Variants in MARCHF1 observed in about 807,000 individuals in gnomAD.
MARCHF1 encodes the protein E3 ubiquitin-protein ligase MARCHF1.
In MARCHF1, 40 loss-of-function variants were observed where a neutral mutation model predicts 54.2. That is an observed-to-expected ratio of 0.74 (90% CI 0.57 to 0.96). MARCHF1 has a LOEUF of 0.96. Ranked by LOEUF, MARCHF1 falls within the 40% of genes least tolerant of loss-of-function variation. The pLI, the probability that MARCHF1 is intolerant of heterozygous loss-of-function variation, is 0.00. For missense variants in MARCHF1, 586 were observed against 656.5 expected (o/e 0.89, Z 1.17); for synonymous variants, 236 against 236.3 (o/e 1.00, Z 0.01).
At chr4:163,673,790 A>G (rs1257461576) in intron 5 of MARCHF1, among the ~76,000 whole-genome samples, 1 of 152,216 alleles carries the variant, frequency 6.6e-6, no homozygotes, top group Non-Finnish European at 1.5e-5. Context: ...TGGAGAATAC[A>G]AACAGTATTG....
chr4:164,288,041 T>C (rs74490610), intron 1 of MARCHF1, among the ~76,000 whole-genome samples: 169 of 152,226 alleles, frequency 1.1e-3, no homozygotes, highest in African/African-American at 3.5e-3. Flanking sequence ...TATGAGTATT[T>C]AAAAAGGAAA....
At chr4:164,350,373 G>C (rs1346752407) in intron 1 of MARCHF1, among the ~76,000 whole-genome samples, 1 of 152,062 alleles carries the variant, frequency 6.6e-6, no homozygotes, top group Non-Finnish European at 1.5e-5. Flanking sequence ...GGGAGGATAG[G>C]GAGAGGTTTG....
intron 1 of MARCHF1, among the ~76,000 whole-genome samples, chr4:164,378,609 C>G (rs1731268750): frequency 6.6e-6 from 1 of 152,204 alleles, no homozygotes; most frequent in African/African-American, 2.4e-5. Flanking sequence ...AGCTCAGTCA[C>G]TGGGTGGATT....
intron 1 of MARCHF1, among the ~76,000 whole-genome samples, chr4:164,303,780 C>A (rs1734626360): frequency 6.6e-6 from 1 of 152,046 alleles, no homozygotes; most frequent in Non-Finnish European, 1.5e-5. Flanking sequence ...CGTGCACACA[C>A]AAACACACGT....
intron 1 of MARCHF1, among the ~76,000 whole-genome samples, chr4:164,163,129 C>A (rs1308701621): frequency 6.6e-6 from 1 of 151,814 alleles, no homozygotes; most frequent in Non-Finnish European, 1.5e-5. Context: ...AAAGAATGCA[C>A]TTCAGGCAAA....
At chr4:164,139,232 G>T (rs529725901) in intron 1 of MARCHF1, among the ~76,000 whole-genome samples, 1 of 152,156 alleles carries the variant, frequency 6.6e-6, no homozygotes, top group Admixed American at 6.5e-5. Flanking sequence ...GAAATGCAGT[G>T]TTCTTTACTT....
intron 2 of MARCHF1, among the ~76,000 whole-genome samples, chr4:164,048,457 G>A (rs1754286786): frequency 6.6e-6 from 1 of 152,066 alleles, no homozygotes; most frequent in Admixed American, 6.5e-5. Flanking sequence ...AGAAAAATCA[G>A]ATTTATCAAA....
intron 1 of MARCHF1, among the ~76,000 whole-genome samples, chr4:164,279,450 T>C (rs1201437097): frequency 6.6e-6 from 1 of 151,530 alleles, no homozygotes; most frequent in African/African-American, 2.4e-5. Flanking sequence ...CCTACATATA[T>C]GACATTTTTC....
At chr4:164,344,469 T>TGTGA (rs1449616092) in intron 1 of MARCHF1, among the ~76,000 whole-genome samples, 1 of 151,648 alleles carries the variant, frequency 6.6e-6, no homozygotes, top group East Asian at 1.9e-4. Context: ...TGTGTGTGTG[T>TGTGA]GTGTGTGTGT....
chr4:164,197,690 G>A, intron 1 of MARCHF1: 1 of 1,612,386 alleles, frequency 6.2e-7, no homozygotes, highest in East Asian at 2.2e-5. Flanking sequence ...AGCTCTGAAT[G>A]AATCCGTCTG....
chr4:164,110,600 T>C (rs895184261), intron 2 of MARCHF1, among the ~76,000 whole-genome samples: 1 of 151,766 alleles, frequency 6.6e-6, no homozygotes, highest in African/African-American at 2.4e-5. Flanking sequence ...TGCCACTAAA[T>C]TCAGAAATTT....
intron 1 of MARCHF1, among the ~76,000 whole-genome samples, chr4:164,156,860 C>T (rs1163040945): frequency 1.3e-5 from 2 of 152,166 alleles, no homozygotes; most frequent in African/African-American, 2.4e-5. Context: ...AAAAACTCCA[C>T]CAGCTGGAGA....
chr4:164,327,512 GA>G (rs1264964084), intron 1 of MARCHF1, among the ~76,000 whole-genome samples: 9 of 152,110 alleles, frequency 5.9e-5, no homozygotes, highest in African/African-American at 2.2e-4. Flanking sequence ...ACACAGGAAA[GA>G]GAGGAAAAAA....
At chr4:163,795,383 C>A (rs968998845) in intron 4 of MARCHF1, among the ~76,000 whole-genome samples, 1 of 152,116 alleles carries the variant, frequency 6.6e-6, no homozygotes, top group Non-Finnish European at 1.5e-5. Context: ...GCGCACACCA[C>A]CAGGCCCAGC....
intron 4 of MARCHF1, among the ~76,000 whole-genome samples, chr4:163,846,540 CTTTGTAAGGA>C (rs2111148289): frequency 6.6e-6 from 1 of 152,090 alleles, no homozygotes; most frequent in South Asian, 2.1e-4. Context: ...AATTTGGTTT[CTTTGTAAGGA>C]CAAATTTACA....
At chr4:163,774,935 T>C (rs942082806) in intron 4 of MARCHF1, among the ~76,000 whole-genome samples, 9 of 152,156 alleles carry the variant, frequency 5.9e-5, no homozygotes, top group Admixed American at 5.2e-4. Flanking sequence ...AGATTTTCAT[T>C]TGTATTCAAA....
intron 3 of MARCHF1, among the ~76,000 whole-genome samples, chr4:163,957,488 T>C (rs1235518018): frequency 2.0e-5 from 3 of 152,152 alleles, no homozygotes; most frequent in African/African-American, 7.2e-5. Flanking sequence ...CTTAGCTTTT[T>C]TTAAAAAGTT....
At chr4:164,030,033 G>C (rs1245754661) in intron 2 of MARCHF1, among the ~76,000 whole-genome samples, 11 of 152,110 alleles carry the variant, frequency 7.2e-5, no homozygotes, top group Middle Eastern at 3.2e-3. Context: ...ACCAGATAAA[G>C]AGAAAACCAA....
intron 2 of MARCHF1, among the ~76,000 whole-genome samples, chr4:164,106,646 C>T (rs1278131901): frequency 1.0e-4 from 15 of 148,820 alleles, no homozygotes; most frequent in Admixed American, 3.3e-4. Flanking sequence ...GGGATAACAT[C>T]GGGAGATATA....
Sources: gnomAD v4.1 joint callset for allele counts (sites outside exome capture counted in the v4.1 genomes callset) on GRCh38, gnomAD v4.1.1 for gene constraint, MANE v1.5 for transcripts, NCBI Gene and HGNC (gene_info 2026-07-23, HGNC 2026-07-21) for gene names.